The following DLGAP2 variants were observed in gnomAD, a reference collection of about 807,000 sequenced individuals.
DLGAP2 encodes the protein disks large-associated protein 2.
A neutral mutation model predicts 100.3 loss-of-function variants in DLGAP2; 26 were observed. The observed-to-expected ratio is 0.26, with a 90% CI of 0.19 to 0.36. The LOEUF is 0.36. DLGAP2 is among the 10% of genes least tolerant of loss of function. The pLI is 1.00. For missense variants in DLGAP2, 1,858 were observed against 1,453.2 expected (o/e 1.28, Z -4.53); for synonymous variants, 886 against 630.1 (o/e 1.41, Z -6.08).
chr8:1,598,518 A>T (rs1295699035), intron 6 of DLGAP2, among the ~76,000 whole-genome samples: 2 of 152,128 alleles, frequency 1.3e-5, no homozygotes, highest in East Asian at 3.9e-4. Flanking sequence ...TTGGTAGGCT[A>T]TTAATTACTG....
chr8:1,229,590 G>T (rs1798491659), intron 2 of DLGAP2, among the ~76,000 whole-genome samples: 1 of 151,946 alleles, frequency 6.6e-6, no homozygotes, highest in African/African-American at 2.4e-5. Flanking sequence ...ATTTCTGATT[G>T]TGCTTATTGA....
At chr8:830,867 A>G (rs1796768595) in intron 1 of DLGAP2, among the ~76,000 whole-genome samples, 1 of 150,088 alleles carries the variant, frequency 6.7e-6, no homozygotes, top group Non-Finnish European at 1.5e-5. Context: ...CTTTGCCAAC[A>G]AACCCTATGT....
intron 4 of DLGAP2, among the ~76,000 whole-genome samples, chr8:1,509,328 C>CATAAAAAAAA (rs1800073222): frequency 2.2e-5 from 3 of 137,768 alleles, no homozygotes; most frequent in African/African-American, 7.9e-5. Flanking sequence ...AGACTCCGTC[C>CATAAAAAAAA]AAAAAAAAAA....
intron 2 of DLGAP2, among the ~76,000 whole-genome samples, chr8:995,850 C>G (rs373112679): frequency 6.6e-6 from 1 of 152,180 alleles, no homozygotes; most frequent in African/African-American, 2.4e-5. Flanking sequence ...AGACGTGTCT[C>G]TCCATGGAGG....
intron 1 of DLGAP2, among the ~76,000 whole-genome samples, chr8:748,281 GT>G (rs1460794969): frequency 6.6e-6 from 1 of 151,688 alleles, no homozygotes; most frequent in Non-Finnish European, 1.5e-5. Flanking sequence ...GGTGGGATGG[GT>G]GGACTCTGGT....
intron 2 of DLGAP2, among the ~76,000 whole-genome samples, chr8:1,198,138 G>A (rs1797794399): frequency 6.6e-6 from 1 of 151,984 alleles, no homozygotes; most frequent in South Asian, 2.1e-4. Flanking sequence ...GTGGGTGTGT[G>A]GACGTAGACT....
chr8:1,354,499 C>T (rs79679961), intron 3 of DLGAP2, among the ~76,000 whole-genome samples: 12 of 152,082 alleles, frequency 7.9e-5, no homozygotes, highest in African/African-American at 9.7e-5. Flanking sequence ...AGCAACAGAG[C>T]GAGACACTGT....
At chr8:1,264,269 A>T (rs1799408182) in intron 3 of DLGAP2, among the ~76,000 whole-genome samples, 1 of 152,112 alleles carries the variant, frequency 6.6e-6, no homozygotes, top group South Asian at 2.1e-4. Context: ...GCAATCCCAG[A>T]AAGGGGCCTG....
At chr8:1,149,164 G>C (rs987159380) in intron 2 of DLGAP2, among the ~76,000 whole-genome samples, 2 of 150,416 alleles carry the variant, frequency 1.3e-5, no homozygotes, top group Non-Finnish European at 3.0e-5. Flanking sequence ...TTTTTGGTTT[G>C]AGATGGAGCC....
At chr8:859,114 CTTT>C (rs113689898) in intron 1 of DLGAP2, among the ~76,000 whole-genome samples, 9 of 142,410 alleles carry the variant, frequency 6.3e-5, no homozygotes, top group Non-Finnish European at 6.2e-5. Context: ...CCTTAGTCTT[CTTT>C]TTTTTTTTTT....
At chr8:1,025,426 CAG>C (rs753842703) in intron 2 of DLGAP2, among the ~76,000 whole-genome samples, 1 of 152,116 alleles carries the variant, frequency 6.6e-6, no homozygotes, top group Non-Finnish European at 1.5e-5. Context: ...GGATTCTTTC[CAG>C]AGAAGCCCAT....
chr8:1,062,923 T>G (rs1803130146), intron 2 of DLGAP2, among the ~76,000 whole-genome samples: 1 of 152,220 alleles, frequency 6.6e-6, no homozygotes, highest in African/African-American at 2.4e-5. Context: ...GCAGGAGCTG[T>G]TCCAGCTTAT....
chr8:1,352,535 C>T (rs1003128704), intron 3 of DLGAP2, among the ~76,000 whole-genome samples: 1 of 152,136 alleles, frequency 6.6e-6, no homozygotes, highest in African/African-American at 2.4e-5. Flanking sequence ...CATTAATATT[C>T]TTAGAGTGTT....
chr8:830,580 C>T (rs1053794054), intron 1 of DLGAP2, among the ~76,000 whole-genome samples: 2 of 152,190 alleles, frequency 1.3e-5, no homozygotes, highest in East Asian at 1.9e-4. Context: ...ACGTAATTTG[C>T]GATTCTATTT....
chr8:1,090,541 G>A (rs1019199165), intron 2 of DLGAP2, among the ~76,000 whole-genome samples: 1 of 152,274 alleles, frequency 6.6e-6, no homozygotes, highest in South Asian at 2.1e-4. Context: ...CAGGGCCTGA[G>A]TGGGAGGTTT....
chr8:922,345 T>C (rs1798732558), intron 2 of DLGAP2, among the ~76,000 whole-genome samples: 1 of 152,098 alleles, frequency 6.6e-6, no homozygotes. Context: ...GGAGGGAAAA[T>C]GAATCCCTGA....
intron 3 of DLGAP2, among the ~76,000 whole-genome samples, chr8:1,458,978 C>T (rs570148637): frequency 6.6e-6 from 1 of 152,298 alleles, no homozygotes; most frequent in South Asian, 2.1e-4. Context: ...GGTTTACATG[C>T]ATCTACCCGA....
At chr8:925,667 C>A (rs1798798527) in intron 2 of DLGAP2, among the ~76,000 whole-genome samples, 1 of 152,048 alleles carries the variant, frequency 6.6e-6, no homozygotes, top group Admixed American at 6.6e-5. Flanking sequence ...CATATGTAGA[C>A]CCCATGCTTA....
chr8:1,541,602 G>C (rs1801362798), intron 4 of DLGAP2, among the ~76,000 whole-genome samples: 1 of 152,136 alleles, frequency 6.6e-6, no homozygotes, highest in African/African-American at 2.4e-5. Flanking sequence ...AGATCTCAGT[G>C]AGCTGTCCCA....
Sources: allele counts gnomAD v4.1 joint callset (sites outside exome capture counted in the v4.1 genomes callset), GRCh38; gene constraint gnomAD v4.1.1; transcripts MANE v1.5; gene names NCBI Gene and HGNC (gene_info 2026-07-23, HGNC 2026-07-21).